TBC1D22A: variants seen among roughly 807,000 people sequenced by gnomAD.
The protein encoded by TBC1D22A is putative GTPase activator.
In TBC1D22A, 38 loss-of-function variants were observed where a neutral mutation model predicts 60.2. That is an observed-to-expected ratio of 0.63 (90% CI 0.49 to 0.83). The LOEUF is 0.83. TBC1D22A is among the 40% of genes least tolerant of loss of function. The probability of loss-of-function intolerance (pLI) is 0.00; values close to 1 mark genes in which losing one functional copy is unlikely to be tolerated. For synonymous variants in TBC1D22A, 302 were observed against 281.7 expected (o/e 1.07, Z -0.72); for missense variants, 628 against 701.0 (o/e 0.90, Z 1.18).
intron 1 of TBC1D22A, among the ~76,000 whole-genome samples, chr22:46,774,821 A>AT (rs949930108): frequency 2.0e-5 from 3 of 152,076 alleles, no homozygotes; most frequent in Non-Finnish European, 4.4e-5. Context: ...GCTTGGGTTC[A>AT]TTTGAGCGCT....
At chr22:46,789,278 A>G (rs1274909334) in intron 1 of TBC1D22A, 1 of 353,618 alleles carries the variant, frequency 2.8e-6, no homozygotes, top group Admixed American at 3.1e-5. Flanking sequence ...GGCACGTGCC[A>G]CCAAGCCCGG....
intron 11 of TBC1D22A, among the ~76,000 whole-genome samples, chr22:47,076,512 C>T (rs908106496): frequency 6.6e-6 from 1 of 151,702 alleles, no homozygotes; most frequent in Non-Finnish European, 1.5e-5. Context: ...TTTTAAAATG[C>T]ACTTTTTAAA....
At chr22:46,993,937 C>T (rs751552381) in intron 9 of TBC1D22A, among the ~76,000 whole-genome samples, 1 of 152,232 alleles carries the variant, frequency 6.6e-6, no homozygotes, top group South Asian at 2.1e-4. Context: ...CTTGGCGCCT[C>T]GCCCTCGGGG....
chr22:46,834,214 T>TA (rs2086425320), intron 4 of TBC1D22A, among the ~76,000 whole-genome samples: 2 of 152,162 alleles, frequency 1.3e-5, no homozygotes, highest in African/African-American at 4.8e-5. Context: ...AATACCAGAA[T>TA]AAAAAAGCAC....
At chr22:46,790,947 G>A (rs1253139185) in intron 1 of TBC1D22A, among the ~76,000 whole-genome samples, 4 of 152,164 alleles carry the variant, frequency 2.6e-5, no homozygotes, top group Non-Finnish European at 5.9e-5. Context: ...TTTAGAGACA[G>A]GGTCTTACTC....
intron 8 of TBC1D22A, among the ~76,000 whole-genome samples, chr22:46,921,230 C>A (rs1290567906): frequency 6.6e-6 from 1 of 152,096 alleles, no homozygotes; most frequent in Non-Finnish European, 1.5e-5. Flanking sequence ...TCGATTCTGA[C>A]CCTCCTCCCG....
Position 47,000,239 on chromosome 22 carries a change from C to T in TBC1D22A, c.1201+2530C>T, listed in dbSNP as rs768737109. On this transcript the variant is annotated intron_variant, in intron 10 of 12. Coordinates refer to ENST00000337137, the MANE Select transcript of TBC1D22A (RefSeq NM_014346.5). ...AGCGGAAGTTTCAGCAGTGGTGGCG[C>T]GAGGATAAGGGCTCATCAGGAGCGA... is the stretch of plus-strand genomic sequence containing the variant. Among the ~76,000 whole-genome samples, 12 of 151,690 alleles carry T rather than the reference C, an allele frequency of 7.9e-5. No individual in the cohort carries two copies. In the South Asian group the frequency reaches 1.0e-3, roughly 13 times the overall value.
At chr22:46,872,177 A>T (rs2067319572) in intron 4 of TBC1D22A, among the ~76,000 whole-genome samples, 1 of 152,190 alleles carries the variant, frequency 6.6e-6, no homozygotes, top group African/African-American at 2.4e-5. Flanking sequence ...CTCAAGGAAA[A>T]CATCAGGACC....
intron 5 of TBC1D22A, among the ~76,000 whole-genome samples, chr22:46,880,016 G>A (rs2067773397): frequency 6.6e-6 from 1 of 152,200 alleles, no homozygotes. Flanking sequence ...TGTAGGTGGA[G>A]TCTGACCCAG....
At chr22:47,003,700 C>T (rs2061476358) in intron 10 of TBC1D22A, among the ~76,000 whole-genome samples, 1 of 139,406 alleles carries the variant, frequency 7.2e-6, no homozygotes, top group African/African-American at 2.8e-5. Context: ...TACACACACC[C>T]TACACACATG....
chr22:47,034,033 C>A (rs777398518), intron 10 of TBC1D22A, among the ~76,000 whole-genome samples: 3 of 152,216 alleles, frequency 2.0e-5, no homozygotes, highest in South Asian at 4.1e-4. Flanking sequence ...CTCAGGGGCC[C>A]CTCGGCAGCA....
At chr22:46,847,077 T>C (rs1179556881) in intron 4 of TBC1D22A, among the ~76,000 whole-genome samples, 1 of 152,184 alleles carries the variant, frequency 6.6e-6, no homozygotes, top group East Asian at 1.9e-4. Flanking sequence ...CTAATGATCT[T>C]TGGTCAATTG....
At position 47,035,224 on chromosome 22, in the gene TBC1D22A, G is replaced by A. The variant is rs117680572; in HGVS notation, c.1202-1847G>A. Among the ~76,000 whole-genome samples the A allele has an allele frequency of 1.1e-3, 162 of 152,290 alleles. 4 individuals are homozygous for A. The East Asian group carries it at 0.028, about 26-fold the overall frequency. ...GGGACCCCCACCCCCGCCTGCCTCCGGGGCCTGCCTGGCCTGCTTGTACCT... is the reference window on the plus strand; with the variant it reads ...GGGACCCCCACCCCCGCCTGCCTCCAGGGCCTGCCTGGCCTGCTTGTACCT... On this transcript the variant is annotated intron_variant, in intron 10 of 12. Coordinates refer to ENST00000337137, the MANE Select transcript of TBC1D22A (RefSeq NM_014346.5).
intron 11 of TBC1D22A, among the ~76,000 whole-genome samples, chr22:47,037,621 A>G (rs1008053477): frequency 3.7e-4 from 56 of 152,138 alleles, no homozygotes; most frequent in African/African-American, 1.3e-3. Context: ...GCAGAGCGAG[A>G]CTCCATCTCA....
intron 8 of TBC1D22A, among the ~76,000 whole-genome samples, chr22:46,962,339 C>G (rs1168501283): frequency 6.6e-6 from 1 of 151,340 alleles, no homozygotes; most frequent in Non-Finnish European, 1.5e-5. Flanking sequence ...TGCCAGTGAG[C>G]AGAGCTGAAA....
intron 12 of TBC1D22A, among the ~76,000 whole-genome samples, chr22:47,127,998 C>T (rs1296415487): frequency 1.8e-5 from 2 of 109,822 alleles, no homozygotes; most frequent in African/African-American, 7.2e-5. Flanking sequence ...ATCCTCCCTC[C>T]ACCCCACCCA....
chr22:46,891,005 G>A (rs74630015), intron 5 of TBC1D22A, among the ~76,000 whole-genome samples: 278 of 152,276 alleles, frequency 1.8e-3, no homozygotes, highest in African/African-American at 6.5e-3. Flanking sequence ...CCAGGTGAGT[G>A]GGGAGGGCCT....
At chr22:46,966,412 A>G (rs1274409854) in intron 8 of TBC1D22A, among the ~76,000 whole-genome samples, 1 of 152,186 alleles carries the variant, frequency 6.6e-6, no homozygotes, top group Non-Finnish European at 1.5e-5. Context: ...CCTCTCTTCC[A>G]GGCACTAACA....
chr22:47,090,877 T>TGGCTGCG (rs2064907949), intron 11 of TBC1D22A, among the ~76,000 whole-genome samples: 2 of 41,262 alleles, frequency 4.8e-5, no homozygotes, highest in South Asian at 9.8e-4. Context: ...CGCAGAGGGG[T>TGGCTGCG]TGTTGATAGA....
Sources: allele counts gnomAD v4.1 joint callset (sites outside exome capture counted in the v4.1 genomes callset), GRCh38; gene constraint gnomAD v4.1.1; transcripts MANE v1.5; gene names NCBI Gene and HGNC (gene_info 2026-07-23, HGNC 2026-07-21).